Variants in BACH1 observed in about 807,000 individuals in gnomAD.
BACH1 encodes BTB domain and CNC homolog 1.
BACH1 carries 35 observed loss-of-function variants against 52.9 expected under a neutral mutation model. The ratio of observed to expected loss-of-function variants is 0.66; its 90% CI spans 0.51 to 0.88. BACH1 has a LOEUF of 0.88. Ranked by LOEUF, BACH1 falls within the 40% of genes least tolerant of loss-of-function variation. The pLI, the probability that BACH1 is intolerant of heterozygous loss-of-function variation, is 0.00. For synonymous variants in BACH1, 321 were observed against 319.6 expected (o/e 1.00, Z -0.05); for missense variants, 808 against 872.6 (o/e 0.93, Z 0.93).
intron 4 of BACH1, among the ~76,000 whole-genome samples, chr21:29,336,046 A>T (rs1018363007): frequency 1.3e-5 from 2 of 152,202 alleles, no homozygotes; most frequent in Non-Finnish European, 2.9e-5. Flanking sequence ...TTTTTATTCA[A>T]ATTACTCTGA....
At chr21:29,340,970 T>TA (rs759190796) in intron 4 of BACH1, among the ~76,000 whole-genome samples, 583 of 128,862 alleles carry the variant, frequency 4.5e-3, no homozygotes, top group East Asian at 0.024. Context: ...TACATCTATT[T>TA]AAAAAAAAAA....
At chr21:29,299,110 T>TAG (rs1569003653) in intron 1 of BACH1, among the ~76,000 whole-genome samples, 157 bp downstream of exon 1, 4 of 151,068 alleles carry the variant, frequency 2.6e-5, no homozygotes, top group Non-Finnish European at 3.0e-5. Context: ...GGGGCACGTA[T>TAG]CGGGGCCCGC....
intron 2 of BACH1, among the ~76,000 whole-genome samples, chr21:29,360,111 C>T (rs947250034): frequency 6.6e-6 from 1 of 152,188 alleles, no homozygotes; most frequent in African/African-American, 2.4e-5. Context: ...TTCCACCTTT[C>T]TGGACCAAAC....
At chr21:29,347,466 C>T (rs1366158044), downstream of BACH1, among the ~76,000 whole-genome samples, 1 of 152,188 alleles carries the variant, frequency 6.6e-6, no homozygotes, top group Non-Finnish European at 1.5e-5. Context: ...AGTACAAAGG[C>T]CAGAGGGTGT....
At chr21:29,304,089 A>G (rs528461700) in intron 1 of BACH1, among the ~76,000 whole-genome samples, 71 of 151,380 alleles carry the variant, frequency 4.7e-4, no homozygotes, top group African/African-American at 1.7e-3. Context: ...GTTCAAACTA[A>G]TATTTTTGTA....
At chr21:29,307,261 G>T (rs1181409385) in intron 1 of BACH1, among the ~76,000 whole-genome samples, 5 of 152,090 alleles carry the variant, frequency 3.3e-5, no homozygotes, top group African/African-American at 1.2e-4. Flanking sequence ...TAGCTTATTC[G>T]TCATTCTTTT....
chr21:29,321,867 A>G (rs1287674920), intron 2 of BACH1, among the ~76,000 whole-genome samples: 1 of 152,066 alleles, frequency 6.6e-6, no homozygotes, highest in Non-Finnish European at 1.5e-5. Flanking sequence ...TCCAGTGATC[A>G]GCAATTGTAG....
downstream of BACH1, among the ~76,000 whole-genome samples, chr21:29,349,624 C>T (rs2089190996): frequency 6.6e-6 from 1 of 152,138 alleles, no homozygotes; most frequent in African/African-American, 2.4e-5. Context: ...GTAGTACATT[C>T]CAGAAAGTGG....
At chr21:29,327,516 A>G in intron 3 of BACH1, 123 bp downstream of exon 3, 1 of 1,335,232 alleles carries the variant, frequency 7.5e-7, no homozygotes. Context: ...GGAAACTCAT[A>G]CAAAATTAAT....
chr21:29,342,745 A>T lies in BACH1; in HGVS notation c.2123A>T (p.Gln708Leu). The T allele has an allele frequency of 6.2e-7, 1 of 1,614,152 alleles. No individual in the cohort carries two copies. ...CAGATGTCCACAGCCACCTCTGAGC[A>T]AGCTGGGCCTGCGGAACAGTGTCGT... Reference protein sequence around the residue: ...SQQMSTATSEQAGPAEQCRQS... With the variant: ...SQQMSTATSELAGPAEQCRQS... The change falls in exon 5 of 5, where the codon CAA becomes CTA. Residue 708 changes from glutamine (Q) to leucine (L), a missense_variant. Physicochemically the swap from Gln to Leu is moderately radical, Grantham distance 113. Coordinates refer to ENST00000286800, the MANE Select transcript of BACH1 (RefSeq NM_001186.4).
Position 29,351,570 on chromosome 21 carries a change from T to C in BACH1, c.472+21877T>C, listed in dbSNP as rs1308369546. On this transcript the variant is annotated intron_variant, in intron 2 of 4. Coordinates refer to the BACH1 transcript ENST00000422809. The stretch of plus-strand genomic sequence containing the variant: ...GTTTTCATCTCATTTGAGCGTTTAC[T>C]CTGGGCTTTAGAAGACCTCATCTAT... The C allele has an allele frequency of 9.4e-6, 5 of 531,936 alleles. No homozygotes were observed. In the Admixed American group the frequency reaches 9.8e-5, roughly 10 times the overall value. The allele number at this position is 531,936 out of a possible 1,614,324, so 33.0% of individuals were successfully genotyped here.
intron 2 of BACH1, chr21:29,359,564 A>G (rs1361186197): frequency 6.6e-6 from 1 of 151,808 alleles, no homozygotes; most frequent in Non-Finnish European, 1.5e-5. Flanking sequence ...ATTTTAAGCA[A>G]AGAAAGAAAT....
At chr21:29,311,424 GT>G (rs1446589419) in intron 1 of BACH1, among the ~76,000 whole-genome samples, 6 of 151,788 alleles carry the variant, frequency 4.0e-5, no homozygotes, top group African/African-American at 1.4e-4. Context: ...GTTGGTTTTT[GT>G]TTGTTTGTTT....
At chr21:29,321,104 T>C (rs2088842365) in intron 1 of BACH1, 117 bp from the exon 2 acceptor site, 1 of 597,046 alleles carries the variant, frequency 1.7e-6, no homozygotes, top group Non-Finnish European at 2.9e-6. Context: ...AGGTTGTTCC[T>C]CTGGAGGTTT....
chr21:29,318,509 T>A (rs2088813238), intron 1 of BACH1, among the ~76,000 whole-genome samples: 1 of 152,228 alleles, frequency 6.6e-6, no homozygotes, highest in Non-Finnish European at 1.5e-5. Flanking sequence ...TTCTCTCAGC[T>A]GCAGCTGACA....
At chr21:29,355,931 C>A (rs549161556) in intron 2 of BACH1, among the ~76,000 whole-genome samples, 1 of 152,320 alleles carries the variant, frequency 6.6e-6, no homozygotes, top group East Asian at 1.9e-4. Context: ...CAACACTCTT[C>A]CCCTAAGAAG....
At chr21:29,337,581 A>G (rs1569020615) in intron 4 of BACH1, among the ~76,000 whole-genome samples, 1 of 152,240 alleles carries the variant, frequency 6.6e-6, no homozygotes, top group Non-Finnish European at 1.5e-5. Context: ...CTCACTTAAC[A>G]TGAAATGATG....
Position 29,343,729 on chromosome 21 carries a change from C to T in BACH1, c.*896C>T, listed in dbSNP as rs1013756077. The T allele has an allele frequency of 6.6e-6, 1 of 152,282 alleles. No individual in the cohort carries two copies. The highest frequency in any genetic ancestry group is 2.1e-4 in the South Asian group (1 of 4,826). The allele number at this position is 152,282 out of a possible 1,614,324, so 9.4% of individuals were successfully genotyped here. ...CATGTAAAGCTGTTCATTTTTCCAC[C>T]GTGGGTCACCAATGCCAGAAAACCA... On this transcript the variant is annotated 3_prime_UTR_variant, in exon 5 of 5. Coordinates refer to ENST00000286800, the MANE Select transcript of BACH1 (RefSeq NM_001186.4).
chr21:29,352,874 G>A (rs1021285852), intron 2 of BACH1, among the ~76,000 whole-genome samples: 4 of 152,078 alleles, frequency 2.6e-5, no homozygotes, highest in Non-Finnish European at 5.9e-5. Flanking sequence ...ACCACACCTG[G>A]CTAATTTTTG....
Sources: gnomAD v4.1 joint callset for allele counts (sites outside exome capture counted in the v4.1 genomes callset) on GRCh38, gnomAD v4.1.1 for gene constraint, MANE v1.5 for transcripts, NCBI Gene and HGNC (gene_info 2026-07-23, HGNC 2026-07-21) for gene names.